Variants in CTNNA3 observed in about 807,000 individuals in gnomAD.
CTNNA3 encodes catenin alpha-3.
CTNNA3 carries 76 observed loss-of-function variants against 95.7 expected under a neutral mutation model. That is an observed-to-expected ratio of 0.79 (90% CI 0.66 to 0.96). The LOEUF is 0.96. CTNNA3 is among the 40% of genes least tolerant of loss of function. The pLI is 0.00. For missense variants in CTNNA3, 1,191 were observed against 1,089.8 expected (o/e 1.09, Z -1.31); for synonymous variants, 431 against 374.4 (o/e 1.15, Z -1.74).
chr10:67,068,653 G>A (rs1331706367), intron 7 of CTNNA3, among the ~76,000 whole-genome samples: 1 of 152,172 alleles, frequency 6.6e-6, no homozygotes, highest in African/African-American at 2.4e-5. Flanking sequence ...GAAAAGCTGA[G>A]GGGAGAGAGT....
At chr10:66,875,321 A>G (rs1169928398) in intron 7 of CTNNA3, among the ~76,000 whole-genome samples, 1 of 151,950 alleles carries the variant, frequency 6.6e-6, no homozygotes, top group Non-Finnish European at 1.5e-5. Flanking sequence ...CCTGGGTCCT[A>G]TTCATGGATT....
intron 13 of CTNNA3, among the ~76,000 whole-genome samples, chr10:66,232,467 T>C (rs1171248375): frequency 6.6e-6 from 1 of 152,098 alleles, no homozygotes; most frequent in Non-Finnish European, 1.5e-5. Context: ...AATACAATTT[T>C]GATTCAATAT....
At chr10:66,235,590 G>A (rs2089812519) in intron 13 of CTNNA3, among the ~76,000 whole-genome samples, 1 of 152,010 alleles carries the variant, frequency 6.6e-6, no homozygotes, top group Non-Finnish European at 1.5e-5. Flanking sequence ...ACATTCCAAA[G>A]AAGAGTCAAC....
At chr10:67,355,251 TC>T (rs999323356) in intron 5 of CTNNA3, among the ~76,000 whole-genome samples, 1 of 151,976 alleles carries the variant, frequency 6.6e-6, no homozygotes, top group Admixed American at 6.6e-5. Flanking sequence ...CCATTCCCTG[TC>T]CCTATATCAA....
intron 5 of CTNNA3, among the ~76,000 whole-genome samples, chr10:67,246,886 G>A (rs761485500): frequency 3.4e-4 from 52 of 152,218 alleles, no homozygotes; most frequent in Middle Eastern, 3.4e-3. Context: ...CTAATTGTCC[G>A]GCTTATGTTC....
intron 15 of CTNNA3, among the ~76,000 whole-genome samples, chr10:66,021,351 T>C (rs1427801468): frequency 6.6e-6 from 1 of 152,176 alleles, no homozygotes; most frequent in South Asian, 2.1e-4. Flanking sequence ...TCATGTCTTA[T>C]AGGAGGATTG....
At chr10:66,575,557 T>C (rs1842981090) in intron 10 of CTNNA3, among the ~76,000 whole-genome samples, 1 of 152,132 alleles carries the variant, frequency 6.6e-6, no homozygotes, top group South Asian at 2.1e-4. Context: ...GGACTATTAT[T>C]AGTCTCATTT....
intron 15 of CTNNA3, among the ~76,000 whole-genome samples, chr10:66,044,990 G>C (rs942088415): frequency 9.2e-5 from 14 of 152,118 alleles, no homozygotes; most frequent in African/African-American, 3.4e-4. Flanking sequence ...TTCAATAGTG[G>C]TGTGTGTTGG....
chr10:66,555,415 G>C (rs1446228039), intron 10 of CTNNA3, among the ~76,000 whole-genome samples: 5 of 152,080 alleles, frequency 3.3e-5, no homozygotes, highest in African/African-American at 1.2e-4. Flanking sequence ...TTAAATAAGT[G>C]TAAGTATGAG....
chr10:67,160,547 C>T (rs1047131910), intron 7 of CTNNA3, among the ~76,000 whole-genome samples: 1 of 151,526 alleles, frequency 6.6e-6, no homozygotes, highest in South Asian at 2.1e-4. Context: ...AAACAATCCT[C>T]CCACCTCAGC....
At chr10:66,069,831 C>CT (rs2133602187) in intron 14 of CTNNA3, among the ~76,000 whole-genome samples, 1 of 152,080 alleles carries the variant, frequency 6.6e-6, no homozygotes, top group Non-Finnish European at 1.5e-5. Context: ...AATGCATCAC[C>CT]TTTGTTAGAA....
chr10:66,081,690 A>G (rs1199679118), intron 14 of CTNNA3, among the ~76,000 whole-genome samples: 1 of 152,224 alleles, frequency 6.6e-6, no homozygotes, highest in Non-Finnish European at 1.5e-5. Flanking sequence ...TAATAAATAT[A>G]GAAGAAGTGA....
chr10:67,501,695 T>C (rs1184026144), intron 5 of CTNNA3, among the ~76,000 whole-genome samples: 1 of 152,202 alleles, frequency 6.6e-6, no homozygotes, highest in Admixed American at 6.5e-5. Context: ...CTTGTCTTCA[T>C]GCTTTATTTC....
chr10:67,027,678 A>G (rs1338078111), intron 7 of CTNNA3, among the ~76,000 whole-genome samples: 4 of 151,808 alleles, frequency 2.6e-5, no homozygotes, highest in Non-Finnish European at 5.9e-5. Context: ...CTTGTCATCC[A>G]CTGGCCTCCC....
chr10:66,076,726 T>C (rs909046319), intron 14 of CTNNA3, among the ~76,000 whole-genome samples: 2 of 151,660 alleles, frequency 1.3e-5, no homozygotes, highest in Non-Finnish European at 3.0e-5. Flanking sequence ...GTCTTAAATA[T>C]AATAATGATA....
rs373081692 is a variant in CTNNA3 at position 65,920,517 on chromosome 10, C to T, written c.2501G>A (p.Arg834Gln). The change falls in exon 18 of 18, where the codon CGA becomes CAA. Residue 834 changes from arginine to glutamine, a missense_variant. Transcript: ENST00000433211. The part of the protein sequence containing the change: ...MSYIASTKII[R>Q]IQSPAGPRHP... ...CCGGGGCCCAGCAGGACTCTGGATT[C>T]GGATGATCTTGGTTGAGGCAATGTA... is the stretch of plus-strand genomic sequence containing the variant. 1.2e-5 allele frequency: 19 copies of T among 1,614,108 alleles called. No individual in the cohort carries two copies. The highest frequency in any genetic ancestry group is 3.3e-5 in the South Asian group (3 of 91,076).
At chr10:67,653,388 A>G (rs1052600558) in intron 1 of CTNNA3, among the ~76,000 whole-genome samples, 3 of 152,024 alleles carry the variant, frequency 2.0e-5, no homozygotes, top group Admixed American at 1.3e-4. Context: ...TATCCAAACT[A>G]CATATGTCCC....
chr10:67,256,357 A>C (rs568831108), intron 5 of CTNNA3, among the ~76,000 whole-genome samples: 104 of 152,310 alleles, frequency 6.8e-4, no homozygotes, highest in African/African-American at 2.3e-3. Flanking sequence ...TGTTTACTTA[A>C]TAATTTCACT....
intron 7 of CTNNA3, among the ~76,000 whole-genome samples, chr10:66,999,423 T>A (rs558986624): frequency 6.6e-6 from 1 of 152,266 alleles, no homozygotes; most frequent in South Asian, 2.1e-4. Context: ...ATAATTAAAT[T>A]AAGATCATCA....
Sources: gnomAD v4.1 joint callset for allele counts (sites outside exome capture counted in the v4.1 genomes callset) on GRCh38, gnomAD v4.1.1 for gene constraint, MANE v1.5 for transcripts, NCBI Gene and HGNC (gene_info 2026-07-23, HGNC 2026-07-21) for gene names.